Variants in NYAP2 observed in about 807,000 individuals in gnomAD.
NYAP2 encodes the protein neuronal tyrosine-phosphorylated phosphoinositide-3-kinase adaptor 2.
NYAP2 carries 23 observed loss-of-function variants against 50.4 expected under a neutral mutation model. That is an observed-to-expected ratio of 0.46 (90% confidence interval 0.33 to 0.65). The LOEUF (loss-of-function observed/expected upper bound fraction) is 0.65. Among genes scored for constraint, NYAP2 ranks in the 30% least tolerant of loss-of-function variants. NYAP2 has a pLI of 0.02. For missense variants in NYAP2, 885 were observed against 861.0 expected (o/e 1.03, Z -0.35); for synonymous variants, 394 against 365.2 (o/e 1.08, Z -0.90).
At chr2:225,496,660 A>G (rs1690511170) in intron 3 of NYAP2, among the ~76,000 whole-genome samples, 1 of 152,232 alleles carries the variant, frequency 6.6e-6, no homozygotes, top group African/African-American at 2.4e-5. Context: ...ACCAGGCTTC[A>G]GTAAAAAGGA....
At chr2:225,619,742 C>A (rs1268202886) in intron 5 of NYAP2, among the ~76,000 whole-genome samples, 2 of 152,160 alleles carry the variant, frequency 1.3e-5, no homozygotes, top group Non-Finnish European at 1.5e-5. Context: ...GATTAGAATC[C>A]TGGAGAGAGT....
intron 5 of NYAP2, among the ~76,000 whole-genome samples, chr2:225,598,437 T>C (rs1040332683): frequency 9.2e-5 from 14 of 152,178 alleles, no homozygotes; most frequent in African/African-American, 2.4e-4. Context: ...TCAAAAATAA[T>C]TAGTATGTGG....
chr2:225,659,274 T>C, the NYAP2 span, among the ~76,000 whole-genome samples: 7 of 152,154 alleles, frequency 4.6e-5, no homozygotes, highest in African/African-American at 1.7e-4. Context: ...GTAGCAGAAG[T>C]ACGTACTCCA....
At chr2:225,573,864 C>G (rs902741980) in intron 4 of NYAP2, among the ~76,000 whole-genome samples, 14 of 152,146 alleles carry the variant, frequency 9.2e-5, no homozygotes, top group Non-Finnish European at 1.8e-4. Context: ...TCACTTCTGA[C>G]ATACTCTGTA....
At chr2:225,660,102 A>T in the NYAP2 span, among the ~76,000 whole-genome samples, 1 of 151,988 alleles carries the variant, frequency 6.6e-6, no homozygotes, top group African/African-American at 2.4e-5. Flanking sequence ...GGGCAAATTG[A>T]TTTCCCCCAC....
intron 3 of NYAP2, among the ~76,000 whole-genome samples, chr2:225,468,216 C>CA (rs1689954012): frequency 6.6e-6 from 1 of 152,242 alleles, no homozygotes; most frequent in East Asian, 1.9e-4. Flanking sequence ...GGTGGGCCTA[C>CA]TCTGATATGA....
intron 5 of NYAP2, among the ~76,000 whole-genome samples, chr2:225,621,168 G>A (rs953798527): frequency 2.0e-5 from 3 of 151,014 alleles, no homozygotes; most frequent in East Asian, 3.9e-4. Context: ...TAGATGGGTC[G>A]TTAGGCTTTG....
chr2:225,643,430 A>G (rs1345148654), intron 6 of NYAP2, among the ~76,000 whole-genome samples: 4 of 151,864 alleles, frequency 2.6e-5, no homozygotes, highest in Non-Finnish European at 5.9e-5. Context: ...CGGCTCCCTT[A>G]TAATCTTTTT....
the NYAP2 span, among the ~76,000 whole-genome samples, chr2:225,685,722 CT>C: frequency 6.6e-6 from 1 of 152,148 alleles, no homozygotes; most frequent in South Asian, 2.1e-4. Flanking sequence ...TCATATATTG[CT>C]TTTTAAAGAT....
chr2:225,542,228 A>T (rs1033359021), intron 4 of NYAP2, among the ~76,000 whole-genome samples: 2 of 152,028 alleles, frequency 1.3e-5, no homozygotes, highest in Non-Finnish European at 2.9e-5. Flanking sequence ...GGATAATTGA[A>T]TTTCTTCCTT....
intron 3 of NYAP2, among the ~76,000 whole-genome samples, chr2:225,462,160 C>T (rs748703303): frequency 6.6e-6 from 1 of 152,160 alleles, no homozygotes; most frequent in Non-Finnish European, 1.5e-5. Context: ...TTAATTAATA[C>T]TCAAGCTTAG....
chr2:225,647,210 A>G (rs945275908), intron 6 of NYAP2, among the ~76,000 whole-genome samples: 9 of 152,272 alleles, frequency 5.9e-5, no homozygotes, highest in African/African-American at 1.9e-4. Flanking sequence ...TAGTCATGGC[A>G]TGTATGGAAA....
At chr2:225,644,229 T>C (rs1183718247) in intron 6 of NYAP2, among the ~76,000 whole-genome samples, 1 of 152,260 alleles carries the variant, frequency 6.6e-6, no homozygotes, top group Non-Finnish European at 1.5e-5. Context: ...TTTGGCTGCA[T>C]AAATGCCTTC....
chr2:225,701,870 TG>T, the NYAP2 span: 1 of 151,796 alleles, frequency 6.6e-6, no homozygotes, highest in African/African-American at 2.4e-5. Flanking sequence ...TACTACATTT[TG>T]TTGGTAGGTC....
chr2:225,523,525 C>G (rs1559204281), intron 4 of NYAP2, among the ~76,000 whole-genome samples: 1 of 151,952 alleles, frequency 6.6e-6, no homozygotes, highest in Non-Finnish European at 1.5e-5. Flanking sequence ...TGAAACATCT[C>G]TATAAGGACA....
intron 2 of NYAP2, among the ~76,000 whole-genome samples, chr2:225,406,702 TCTC>T (rs1296077792): frequency 6.6e-6 from 1 of 152,002 alleles, no homozygotes; most frequent in Admixed American, 6.6e-5. Context: ...AAAAATTTGA[TCTC>T]CTTTTTGTTT....
the NYAP2 span, among the ~76,000 whole-genome samples, chr2:225,663,602 G>C: frequency 6.6e-6 from 1 of 151,884 alleles, no homozygotes; most frequent in Non-Finnish European, 1.5e-5. Context: ...GTGTCACCCA[G>C]GCTGGAGTGC....
At chr2:225,467,282 C>T (rs754702817) in intron 3 of NYAP2, among the ~76,000 whole-genome samples, 8 of 152,124 alleles carry the variant, frequency 5.3e-5, no homozygotes, top group Admixed American at 4.6e-4. Flanking sequence ...TCTTCTTATC[C>T]GGAAGCCACT....
At chr2:225,651,622 G>A in exon 7 of NYAP2, 6 of 1,596,120 alleles carry the variant, frequency 3.8e-6, no homozygotes, top group Non-Finnish European at 5.1e-6. Flanking sequence ...TGTTGCTGTA[G>A]ACAACTTTCG....
Sources: gnomAD v4.1 joint callset for allele counts (sites outside exome capture counted in the v4.1 genomes callset) on GRCh38, gnomAD v4.1.1 for gene constraint, MANE v1.5 for transcripts, NCBI Gene and HGNC (gene_info 2026-07-23, HGNC 2026-07-21) for gene names.